Variants in SLIT3 observed in about 807,000 individuals in gnomAD.
SLIT3 encodes slit guidance ligand 3.
Under a neutral mutation model 184.0 loss-of-function variants are expected in SLIT3, and 68 were observed. The ratio of observed to expected loss-of-function variants is 0.37; its 90% CI spans 0.30 to 0.45. SLIT3 has a LOEUF of 0.45. Ranked by LOEUF, SLIT3 falls within the 20% of genes least tolerant of loss-of-function variation. The pLI, the probability that SLIT3 is intolerant of heterozygous loss-of-function variation, is 1.00. For missense variants in SLIT3, 1,707 were observed against 2,026.0 expected, an observed-to-expected ratio of 0.84 and a Z score of 3.02; for synonymous variants, 831 against 828.6, an observed-to-expected ratio of 1.00 and a Z score of -0.05.
At chr5:168,906,201 A>G (rs1761048147) in intron 4 of SLIT3, among the ~76,000 whole-genome samples, 1 of 152,248 alleles carries the variant, frequency 6.6e-6, no homozygotes, top group African/African-American at 2.4e-5. Flanking sequence ...GTACTATGCT[A>G]TTATACTTAA....
chr5:168,820,152 T>A (rs919697333), intron 7 of SLIT3, among the ~76,000 whole-genome samples: 6 of 152,154 alleles, frequency 3.9e-5, no homozygotes, highest in Admixed American at 3.3e-4. Context: ...TCCTCTTGAG[T>A]GAGAAGGGAC....
At chr5:168,704,935 C>G (rs986946662) in intron 26 of SLIT3, among the ~76,000 whole-genome samples, 2 of 152,176 alleles carry the variant, frequency 1.3e-5, no homozygotes, top group African/African-American at 4.8e-5. Flanking sequence ...GGACATAGCA[C>G]AGAGAATTTG....
chr5:169,173,618 G>A (rs148592306), intron 4 of SLIT3, among the ~76,000 whole-genome samples: 644 of 152,256 alleles, frequency 4.2e-3, no homozygotes, highest in Non-Finnish European at 6.9e-3. Flanking sequence ...CAGTCTTGAC[G>A]TCTCCTCCAC....
intron 4 of SLIT3, among the ~76,000 whole-genome samples, chr5:168,967,683 G>A (rs930106255): frequency 5.0e-5 from 7 of 139,554 alleles, no homozygotes; most frequent in South Asian, 2.3e-4. Context: ...CTCGTGATCC[G>A]CCCGCCTCGG....
chr5:168,757,288 T>C (rs1207942844), intron 16 of SLIT3, among the ~76,000 whole-genome samples: 1 of 152,234 alleles, frequency 6.6e-6, no homozygotes, highest in African/African-American at 2.4e-5. Flanking sequence ...ATATCTGTAC[T>C]GTCTAGCGCA....
At chr5:169,081,009 G>A (rs922817913) in intron 4 of SLIT3, among the ~76,000 whole-genome samples, 1 of 152,194 alleles carries the variant, frequency 6.6e-6, no homozygotes, top group African/African-American at 2.4e-5. Flanking sequence ...AATGCACAGA[G>A]AGCACTGTGG....
At chr5:168,884,547 G>GATATATATATATATATATATATAT (rs1491371300) in intron 4 of SLIT3, among the ~76,000 whole-genome samples, 1 of 9,312 alleles carries the variant, frequency 1.1e-4, no homozygotes, top group Non-Finnish European at 1.9e-4. Flanking sequence ...TACCAATTAC[G>GATATATATATATATATATATATAT]AGATATATAT....
chr5:168,867,210 T>C (rs1759334352), intron 5 of SLIT3, among the ~76,000 whole-genome samples: 2 of 152,196 alleles, frequency 1.3e-5, no homozygotes, highest in Non-Finnish European at 1.5e-5. Flanking sequence ...GTGGCTACAA[T>C]GAAACCATGC....
intron 4 of SLIT3, chr5:169,037,858 T>G (rs1445550640): frequency 1.3e-5 from 2 of 152,284 alleles, no homozygotes; most frequent in African/African-American, 4.8e-5. Context: ...CAGCCACTGA[T>G]GTGGCGCACT....
chr5:169,153,910 T>C (rs1217789874), intron 4 of SLIT3, among the ~76,000 whole-genome samples: 4 of 151,738 alleles, frequency 2.6e-5, no homozygotes, highest in African/African-American at 7.3e-5. Context: ...ATGCATGGGG[T>C]CCTACTCTGA....
At chr5:169,082,197 C>G (rs1367453102) in intron 4 of SLIT3, among the ~76,000 whole-genome samples, 1 of 152,208 alleles carries the variant, frequency 6.6e-6, no homozygotes, top group Admixed American at 6.5e-5. Context: ...CATGTGGAAG[C>G]CACGCCAAAC....
intron 4 of SLIT3, among the ~76,000 whole-genome samples, chr5:169,092,632 T>C (rs1042887342): frequency 2.6e-5 from 4 of 152,188 alleles, no homozygotes; most frequent in Non-Finnish European, 5.9e-5. Flanking sequence ...AAGCAGTGTC[T>C]GTCAGCACGC....
chr5:168,736,692 C>A (rs150940332), intron 20 of SLIT3, among the ~76,000 whole-genome samples: 1 of 151,788 alleles, frequency 6.6e-6, no homozygotes, highest in Non-Finnish European at 1.5e-5. Context: ...CTCCTCCCTG[C>A]TGCAATGCAG....
intron 4 of SLIT3, among the ~76,000 whole-genome samples, chr5:169,148,335 C>A (rs1407691945): frequency 1.3e-5 from 2 of 152,152 alleles, no homozygotes; most frequent in East Asian, 1.9e-4. Flanking sequence ...CTGCTCAGAG[C>A]TCTTTTTAAA....
intron 31 of SLIT3, 130 bp from the exon 32 acceptor site, chr5:168,684,226 T>G: frequency 1.1e-6 from 1 of 942,896 alleles, no homozygotes; most frequent in South Asian, 2.3e-5. Context: ...TGTCCATCTT[T>G]CCTCCTCCAT....
intron 4 of SLIT3, among the ~76,000 whole-genome samples, chr5:168,947,227 C>T (rs1003040834): frequency 6.6e-6 from 1 of 152,120 alleles, no homozygotes; most frequent in African/African-American, 2.4e-5. Context: ...AGAAATGCAA[C>T]GAGAGAAAAA....
intron 4 of SLIT3, among the ~76,000 whole-genome samples, chr5:169,128,418 C>T (rs1217766303): frequency 1.3e-5 from 2 of 151,758 alleles, no homozygotes; most frequent in African/African-American, 4.8e-5. Context: ...TAGTGTAATG[C>T]TATATATCTT....
chr5:168,747,743 G>A (rs1388574934), intron 20 of SLIT3, among the ~76,000 whole-genome samples: 1 of 152,078 alleles, frequency 6.6e-6, no homozygotes, highest in Non-Finnish European at 1.5e-5. Flanking sequence ...GCAGGAGCTC[G>A]GGTTGTGGAA....
rs553279994 is a variant in SLIT3, at chr5:168,669,629, G to A, written c.4336+154C>T. On this transcript the variant is annotated intron_variant, in intron 35 of 35. Coordinates refer to ENST00000519560, the MANE Select transcript of SLIT3 (RefSeq NM_003062.4). ...TACAGGAAGGTATAGTATTGCCTCC[G>A]TTTTCAAGTTGAGGGAATTGAGGCT... Among the ~76,000 whole-genome samples, 158 of 152,288 alleles carry A rather than the reference G, an allele frequency of 1.0e-3. 1 individual carries two copies. Among genetic ancestry groups the A allele is most frequent in the Non-Finnish European group, 1.5e-3 (102 of 68,016 alleles).
Sources: allele counts gnomAD v4.1 joint callset (sites outside exome capture counted in the v4.1 genomes callset), GRCh38; gene constraint gnomAD v4.1.1; transcripts MANE v1.5; gene names NCBI Gene and HGNC (gene_info 2026-07-23, HGNC 2026-07-21).